WNK2: variants seen among roughly 807,000 people sequenced by gnomAD.
WNK2 encodes the protein WNK lysine deficient protein kinase 2, also known as serine/threonine-protein kinase WNK2.
Under a neutral mutation model 192.1 loss-of-function variants are expected in WNK2, and 67 were observed. The observed-to-expected ratio is 0.35, with a 90% CI of 0.29 to 0.43. The LOEUF is 0.43. Ranked by LOEUF, WNK2 falls within the 20% of genes least tolerant of loss-of-function variation. The pLI is 1.00. For synonymous variants in WNK2, 1,439 were observed against 1,393.9 expected (o/e 1.03, Z -0.72); for missense variants, 2,698 against 3,089.7 (o/e 0.87, Z 3.01).
chr9:93,247,711 C>T lies in WNK2; in HGVS notation c.1711C>T (p.Leu571=), dbSNP rs1404257742. The T allele has an allele frequency of 1.9e-6, 3 of 1,562,640 alleles. No individual in the cohort carries two copies. Among genetic ancestry groups the T allele is most frequent in the African/African-American group, 1.4e-5 (1 of 73,756 alleles). Residue 571 remains leucine (L), a synonymous_variant, in exon 8 of 30, where the codon CTG becomes TTG. Coordinates refer to ENST00000427277, the MANE Select transcript of WNK2 (RefSeq NM_006648.4). The surrounding 1 kb of genome is among the most constrained non-coding windows in gnomAD (Gnocchi z 5.2). ...CAAGGCCAGGGGTCCGCCGGTGCCC[C>T]TGCAGGTCCAGGTGACCTACCATGC... The part of the protein sequence containing the change: ...PDKARGPPVP[L]QVQVTYHAQA...
At chr9:93,230,859 T>TCA in intron 3 of WNK2, 29 bp from the exon 4 acceptor site, 1 of 1,598,796 alleles carries the variant, frequency 6.3e-7, no homozygotes, top group Non-Finnish European at 8.5e-7. Flanking sequence ...GCGAGCTGCT[T>TCA]GGTGAGCTGT....
chr9:93,242,462 T>C (rs1317567695), intron 7 of WNK2, among the ~76,000 whole-genome samples: 1 of 152,246 alleles, frequency 6.6e-6, no homozygotes, highest in Non-Finnish European at 1.5e-5. Context: ...ACAAGTTTGC[T>C]GTGAATTACA....
At chr9:93,184,507 C>T (rs2130814429) in intron 1 of WNK2, among the ~76,000 whole-genome samples, 122 bp downstream of exon 1, 1 of 152,200 alleles carries the variant, frequency 6.6e-6, no homozygotes, top group South Asian at 2.1e-4. Flanking sequence ...GAGCCGCCGC[C>T]GGGCCACTGC....
At position 93,300,312 on chromosome 9, in the gene WNK2, C is replaced by T. The variant is rs1851370479; in HGVS notation, c.6214+163C>T. The T allele has an allele frequency of 5.0e-6, 3 of 598,254 alleles. No homozygotes were observed. The East Asian group carries it at 8.9e-5, about 18-fold the overall frequency. 37.1% of individuals were successfully genotyped at this position (598,254 alleles called of 1,614,324 possible). On this transcript the variant is annotated intron_variant, in intron 26 of 29. Coordinates refer to ENST00000427277, the MANE Select transcript of WNK2 (RefSeq NM_006648.4). ...AAGTGGAACCCCATGAGCCGGTCCCCTGGAGCGGCGGCCGCCAGCGCCTAC... is the reference window on the plus strand; with the variant it reads ...AAGTGGAACCCCATGAGCCGGTCCCTTGGAGCGGCGGCCGCCAGCGCCTAC...
Position 93,299,089 on chromosome 9 carries a change from C to T in WNK2, c.5943C>T (p.Ser1981=). The change falls in exon 25 of 30, where the codon AGC becomes AGT. Residue 1981 remains serine, a synonymous_variant. Transcript: ENST00000427277. ...ASSTGHLADS[S]RGPPAKDPAQ... Reference sequence around the variant, plus strand: ...GCCCAGGTCACTTGGCTGACTCCAGCAGAGGCCCTCCCGCTAAGGACCCTG... The same window carrying T: ...GCCCAGGTCACTTGGCTGACTCCAGTAGAGGCCCTCCCGCTAAGGACCCTG... 6.2e-7 allele frequency: 1 copy of T among 1,610,640 alleles called. No homozygotes were observed. The highest frequency in any genetic ancestry group is 8.5e-7 in the Non-Finnish European group (1 of 1,179,478).
intron 28 of WNK2, among the ~76,000 whole-genome samples, chr9:93,312,625 G>A (rs566794277): frequency 6.6e-6 from 1 of 152,072 alleles, no homozygotes; most frequent in Non-Finnish European, 1.5e-5. Flanking sequence ...TGATCCGCCC[G>A]CCTCGGCCTC....
rs1039689204 is a variant in WNK2 at position 93,259,915 on chromosome 9, C to A, written c.3066+301C>A. ...GTGGTATCTTTGTACCTGCCCTCAC[C>A]CAGGCCTGGTCTGGCAGCCTTGGTG... On this transcript the variant is annotated intron_variant, in intron 12 of 29. Coordinates refer to ENST00000427277, the MANE Select transcript of WNK2 (RefSeq NM_006648.4). The surrounding 1 kb of genome is among the most constrained non-coding windows in gnomAD (Gnocchi z 4.8). 6.6e-6 allele frequency among the ~76,000 whole-genome samples: 1 copy of A among 152,240 alleles called. No individual in the cohort carries two copies. The highest frequency in any genetic ancestry group is 1.5e-5 in the Non-Finnish European group (1 of 68,044).
chr9:93,227,827 A>G (rs1183901765), intron 2 of WNK2, among the ~76,000 whole-genome samples: 3 of 152,262 alleles, frequency 2.0e-5, no homozygotes, highest in African/African-American at 7.2e-5. Context: ...TGAGTAGAAC[A>G]TGTTTCCATT....
intron 23 of WNK2, among the ~76,000 whole-genome samples, chr9:93,297,206 C>G (rs1383952517): frequency 6.6e-6 from 1 of 151,390 alleles, no homozygotes; most frequent in Non-Finnish European, 1.5e-5. Flanking sequence ...GCATCCACCC[C>G]TCCGCATCCT....
At chr9:93,186,235 T>A (rs1829308958) in intron 2 of WNK2, among the ~76,000 whole-genome samples, 1 of 152,190 alleles carries the variant, frequency 6.6e-6, no homozygotes, top group Non-Finnish European at 1.5e-5. Context: ...TCTGCTGCTC[T>A]GAGAGCTCCA....
intron 7 of WNK2, among the ~76,000 whole-genome samples, chr9:93,240,702 G>A (rs892281129): frequency 3.9e-5 from 6 of 152,156 alleles, no homozygotes; most frequent in African/African-American, 9.7e-5. Context: ...GGGGGTCAGC[G>A]GTGGAATGGG....
At chr9:93,241,489 C>T (rs1261181913) in intron 7 of WNK2, among the ~76,000 whole-genome samples, 2 of 152,180 alleles carry the variant, frequency 1.3e-5, no homozygotes, top group East Asian at 3.9e-4. Flanking sequence ...TTGAAAATGT[C>T]CATCAGTCAC....
At chr9:93,310,030 G>T (rs571383908) in intron 28 of WNK2, among the ~76,000 whole-genome samples, 1 of 152,268 alleles carries the variant, frequency 6.6e-6, no homozygotes, top group East Asian at 1.9e-4. Context: ...TAGTGCTTGC[G>T]GTTTGTGGAG....
At chr9:93,207,078 A>G (rs80243459) in intron 2 of WNK2, among the ~76,000 whole-genome samples, 2,351 of 152,180 alleles carry the variant, frequency 0.015, 65 homozygotes, top group African/African-American at 0.054. Flanking sequence ...CTGCCCCCAG[A>G]GGGTAATATC....
At chr9:93,244,293 A>G (rs1428985826) in intron 7 of WNK2, among the ~76,000 whole-genome samples, 1 of 152,198 alleles carries the variant, frequency 6.6e-6, no homozygotes, top group Non-Finnish European at 1.5e-5. Context: ...AGAGAGAGAC[A>G]GAGATGAAAT....
At chr9:93,308,300 C>G in intron 27 of WNK2, 28 bp from the exon 28 acceptor site, 2 of 1,543,328 alleles carry the variant, frequency 1.3e-6, no homozygotes, top group Non-Finnish European at 1.8e-6. Flanking sequence ...GTGGCGTCAC[C>G]AATCCTGGCC....
At chr9:93,284,473 A>G (rs1262596264) in intron 19 of WNK2, among the ~76,000 whole-genome samples, 4 of 152,196 alleles carry the variant, frequency 2.6e-5, no homozygotes, top group African/African-American at 9.6e-5. Flanking sequence ...AAACAAACAA[A>G]ACAAAACCAG....
chr9:93,197,024 C>T (rs1478760975), intron 2 of WNK2, among the ~76,000 whole-genome samples: 1 of 152,222 alleles, frequency 6.6e-6, no homozygotes, highest in Non-Finnish European at 1.5e-5. Flanking sequence ...CACCCCAGCT[C>T]CCTACCCTCT....
Position 93,185,737 on chromosome 9 carries a change from C to T in WNK2, c.681+127C>T, listed in dbSNP as rs187374588. On this transcript the variant is annotated intron_variant, in intron 2 of 29. Coordinates refer to ENST00000427277, the MANE Select transcript of WNK2 (RefSeq NM_006648.4). ...GGGCGGCGGGGCTCCATGTGTGTCA[C>T]CCTCTGTGTGGATGGCTGGCAGGAT... is the stretch of plus-strand genomic sequence containing the variant. 3.7e-4 allele frequency: 413 copies of T among 1,114,682 alleles called. 2 individuals carry two copies. In the African/African-American group the frequency reaches 5.8e-3, roughly 16 times the overall value. The allele number at this position is 1,114,682 out of a possible 1,614,324, so 69.0% of individuals were successfully genotyped here. A position where few individuals can be genotyped will look rare whatever the true frequency, so the allele number is the denominator to read the frequency against.
Sources: gnomAD v4.1 joint callset for allele counts (sites outside exome capture counted in the v4.1 genomes callset) on GRCh38, gnomAD v4.1.1 for gene constraint, Gnocchi (gnomAD v3.1) non-coding constraint, MANE v1.5 for transcripts, NCBI Gene and HGNC (gene_info 2026-07-23, HGNC 2026-07-21) for gene names.